OR3A2: variants seen among roughly 807,000 people sequenced by gnomAD.
The protein encoded by OR3A2 is olfactory receptor 3A2.
For synonymous variants in OR3A2, 126 were observed against 159.3 expected, an observed-to-expected ratio of 0.79 and a Z score of 1.57; for missense variants, 318 against 392.8, an observed-to-expected ratio of 0.81 and a Z score of 1.61.
intron 2 of OR3A2, among the ~76,000 whole-genome samples, chr17:3,354,263 T>C (rs185266666): frequency 6.7e-5 from 10 of 149,186 alleles, no homozygotes; most frequent in Non-Finnish European, 1.0e-4. Flanking sequence ...TTTGTATTAG[T>C]TTTTAAATAT....
rs8064942 is a variant in OR3A2, at chr17:3,337,688, G to A, written c.-178-1562C>T. Among the ~76,000 whole-genome samples the A allele has an allele frequency of 8.9e-3, 1,352 of 152,200 alleles. 21 individuals carry two copies. Among genetic ancestry groups the A allele is most frequent in the African/African-American group, 0.031 (1,288 of 41,508 alleles). ...CCAGTCTATCACTGATGGACATTTGGGTTGGTTCCAAGTCTTTGGTATTGT... is the reference window on the plus strand; with the variant it reads ...CCAGTCTATCACTGATGGACATTTGAGTTGGTTCCAAGTCTTTGGTATTGT... On this transcript the variant is annotated intron_variant, in intron 2 of 4. Coordinates refer to the OR3A2 transcript ENST00000573491.
At chr17:3,316,044 C>T (rs186633981) in intron 3 of OR3A2, among the ~76,000 whole-genome samples, 645 of 152,242 alleles carry the variant, frequency 4.2e-3, no homozygotes, top group Non-Finnish European at 7.2e-3. Context: ...AAATATCACC[C>T]TCCACTCCAC....
At chr17:3,288,246 CAAAA>C, upstream of OR3A2, among the ~76,000 whole-genome samples, 19,235 of 73,710 alleles carry the variant, frequency 0.26, 1,775 homozygotes, top group South Asian at 0.41. Context: ...ACCAAAAGGG[CAAAA>C]AAAAAAAAAA....
chr17:3,378,209 G>A lies in OR3A2; in HGVS notation c.-179+5595C>T, dbSNP rs553919308. Among the ~76,000 whole-genome samples, 12 of 152,316 alleles carry A rather than the reference G, an allele frequency of 7.9e-5. No individual in the cohort carries two copies. In the South Asian group the frequency reaches 2.5e-3, roughly 32 times the overall value. On this transcript the variant is annotated intron_variant, in intron 2 of 4. Transcript: ENST00000573491. Reference sequence around the variant, plus strand: ...GGTACCCAGGCTGTCCACACTGAGAGGCATCTGTAGGCCCATGCCAAGCTG... The same window carrying A: ...GGTACCCAGGCTGTCCACACTGAGAAGCATCTGTAGGCCCATGCCAAGCTG...
At chr17:3,356,643 T>G (rs368206205) in intron 2 of OR3A2, among the ~76,000 whole-genome samples, 17 of 151,440 alleles carry the variant, frequency 1.1e-4, no homozygotes, top group Non-Finnish European at 1.9e-4. Flanking sequence ...ACTCTAACAA[T>G]TGTAGTAATT....
At position 3,311,840 on chromosome 17, in the gene OR3A2, G is replaced by A. The variant is rs1166772800; in HGVS notation, c.-85+24193C>T. 2.3e-5 allele frequency: 4 copies of A among 175,076 alleles called. No homozygotes were observed. Among genetic ancestry groups the A allele is most frequent in the Admixed American group, 1.6e-4 (3 of 18,624 alleles). 10.8% of individuals were successfully genotyped at this position (175,076 alleles called of 1,614,324 possible). ...ATTGGGATCCTCAACACTATCCTCAGTCCCATGCTGAACCCAGTCATTTAC... is the reference window on the plus strand; with the variant it reads ...ATTGGGATCCTCAACACTATCCTCAATCCCATGCTGAACCCAGTCATTTAC... On this transcript the variant is annotated intron_variant, in intron 3 of 4. Transcript: ENST00000573491. The surrounding 1 kb of genome is among the most constrained non-coding windows in gnomAD (Gnocchi z 4.6).
At chr17:3,299,819 A>G (rs1007221348) in intron 3 of OR3A2, among the ~76,000 whole-genome samples, 1 of 152,232 alleles carries the variant, frequency 6.6e-6, no homozygotes, top group African/African-American at 2.4e-5. Flanking sequence ...TAAAAACAGA[A>G]TAATATTTCC....
At chr17:3,363,482 G>C (rs1407172318) in intron 2 of OR3A2, among the ~76,000 whole-genome samples, 1 of 151,638 alleles carries the variant, frequency 6.6e-6, no homozygotes, top group African/African-American at 2.4e-5. Flanking sequence ...CCTCAGCCTG[G>C]ACTTCACTGT....
intron 2 of OR3A2, among the ~76,000 whole-genome samples, chr17:3,341,321 G>A (rs1362313048): frequency 6.6e-6 from 1 of 152,142 alleles, no homozygotes; most frequent in Non-Finnish European, 1.5e-5. Flanking sequence ...GTTAGCTGGT[G>A]ATTTTGCCCG....
chr17:3,278,549 A>G (rs762756632), exon 2 of OR3A2: 1 of 1,612,908 alleles, frequency 6.2e-7, no homozygotes, highest in Non-Finnish European at 8.5e-7. Flanking sequence ...GGAGTCGGTC[A>G]TAGGCCATGG....
chr17:3,360,077 C>A (rs1028161090), intron 2 of OR3A2, among the ~76,000 whole-genome samples: 1 of 151,826 alleles, frequency 6.6e-6, no homozygotes, highest in Non-Finnish European at 1.5e-5. Flanking sequence ...TCCTCTCCAG[C>A]ACCTGTTGTT....
At chr17:3,325,322 G>C (rs554779106) in intron 3 of OR3A2, among the ~76,000 whole-genome samples, 1 of 148,778 alleles carries the variant, frequency 6.7e-6, no homozygotes, top group Middle Eastern at 3.6e-3. Flanking sequence ...CAATTCTCCT[G>C]CCTCAGCCTC....
chr17:3,300,183 C>T (rs1261071613), intron 3 of OR3A2, among the ~76,000 whole-genome samples: 1 of 151,722 alleles, frequency 6.6e-6, no homozygotes. Context: ...ATGACATCAT[C>T]TGATCACTAT....
At chr17:3,324,277 T>C (rs2150637431) in intron 3 of OR3A2, among the ~76,000 whole-genome samples, 1 of 152,106 alleles carries the variant, frequency 6.6e-6, no homozygotes, top group South Asian at 2.1e-4. Flanking sequence ...TTTTTCACAG[T>C]TTTTAACTTC....
At chr17:3,355,983 A>G (rs1024850571) in intron 2 of OR3A2, among the ~76,000 whole-genome samples, 13 of 150,470 alleles carry the variant, frequency 8.6e-5, no homozygotes, top group Non-Finnish European at 1.2e-4. Flanking sequence ...TGTTTTTTAT[A>G]TATCCCTTGT....
chr17:3,313,211 A>C (rs898653290), intron 3 of OR3A2, among the ~76,000 whole-genome samples: 1 of 152,196 alleles, frequency 6.6e-6, no homozygotes, highest in Non-Finnish European at 1.5e-5. Flanking sequence ...CCTGGACAAG[A>C]AGTTGGAAGT....
At chr17:3,309,566 A>G (rs1285934422) in intron 3 of OR3A2, among the ~76,000 whole-genome samples, 1 of 152,158 alleles carries the variant, frequency 6.6e-6, no homozygotes, top group Non-Finnish European at 1.5e-5. Flanking sequence ...CATTCTTCAT[A>G]TTTGGTAAAC....
Position 3,350,395 on chromosome 17 carries a change from C to G in OR3A2, c.-178-14269G>C, listed in dbSNP as rs879372313. Reference sequence around the variant, plus strand: ...AAATACAAACTACCATCAGAGAATACTACAAACACCTCTACGCAAATAAAC... The same window carrying G: ...AAATACAAACTACCATCAGAGAATAGTACAAACACCTCTACGCAAATAAAC... On this transcript the variant is annotated intron_variant, in intron 2 of 4. Transcript: ENST00000573491. Among the ~76,000 whole-genome samples the G allele has an allele frequency of 9.4e-3, 1,399 of 148,798 alleles. 23 individuals are homozygous for G. The highest frequency in any genetic ancestry group is 0.032 in the African/African-American group (1,290 of 40,810).
At chr17:3,330,366 T>A (rs1293895582) in intron 3 of OR3A2, among the ~76,000 whole-genome samples, 1 of 150,156 alleles carries the variant, frequency 6.7e-6, no homozygotes, top group East Asian at 1.9e-4. Context: ...TGTAGGTCAC[T>A]CAGGACTTGC....
Sources: gnomAD v4.1 joint callset for allele counts (sites outside exome capture counted in the v4.1 genomes callset) on GRCh38, gnomAD v4.1.1 for gene constraint, Gnocchi (gnomAD v3.1) non-coding constraint, MANE v1.5 for transcripts, NCBI Gene and HGNC (gene_info 2026-07-23, HGNC 2026-07-21) for gene names.